The following CD8B variants were observed in gnomAD, a reference collection of about 807,000 sequenced individuals.
CD8B encodes CD8 subunit beta, also known as T-cell surface glycoprotein CD8 beta chain.
A neutral mutation model predicts 24.2 loss-of-function variants in CD8B; 6 were observed. The observed-to-expected ratio is 0.25, with a 90% CI of 0.14 to 0.49. The LOEUF (loss-of-function observed/expected upper bound fraction) is 0.49. Among genes scored for constraint, CD8B ranks in the 20% least tolerant of loss-of-function variants. CD8B has a pLI of 0.98. For synonymous variants in CD8B, 84 were observed against 108.3 expected (o/e 0.78, Z 1.39); for missense variants, 196 against 271.3 (o/e 0.72, Z 1.95).
At chr2:86,857,917 T>C (rs1676354598) in intron 2 of CD8B, 140 bp downstream of exon 2, 2 of 908,088 alleles carry the variant, frequency 2.2e-6, no homozygotes, top group African/African-American at 3.3e-5. Flanking sequence ...AGTCTCCACA[T>C]GTTCTTTCTG....
intron 3 of CD8B, among the ~76,000 whole-genome samples, chr2:86,851,206 A>G (rs1335690533): frequency 6.6e-6 from 1 of 152,142 alleles, no homozygotes; most frequent in African/African-American, 2.4e-5. Context: ...CTGTCCTTAC[A>G]TGAAGATGAA....
chr2:86,817,466 C>A (rs1674298447), intron 5 of CD8B, among the ~76,000 whole-genome samples: 1 of 152,072 alleles, frequency 6.6e-6, no homozygotes, highest in Admixed American at 6.6e-5. Flanking sequence ...ACTAGATCCA[C>A]AGGCATCAAC....
Position 86,840,508 on chromosome 2 carries a change from C to T in CD8B, c.*1799G>A, listed in dbSNP as rs1175302473. ...TCATCCGCATAGGGCGTCAATTCACCTCAGCCTTTCATTAGCCATGGACCA... is the reference window on the plus strand; with the variant it reads ...TCATCCGCATAGGGCGTCAATTCACTTCAGCCTTTCATTAGCCATGGACCA... On this transcript the variant is annotated 3_prime_UTR_variant, in exon 6 of 6. Transcript: ENST00000390655. Among the ~76,000 whole-genome samples, 2 of 152,198 alleles carry T rather than the reference C, an allele frequency of 1.3e-5. No individual in the cohort carries two copies. Among genetic ancestry groups the T allele is most frequent in the Non-Finnish European group, 2.9e-5 (2 of 68,044 alleles).
rs1336037291 is a variant in CD8B at position 86,849,503 on chromosome 2, G to A, written c.494-2730C>T. 1.5e-4 allele frequency among the ~76,000 whole-genome samples: 23 copies of A among 151,898 alleles called. No homozygotes were observed. In the East Asian group the frequency reaches 3.5e-3, roughly 23 times the overall value. On this transcript the variant is annotated intron_variant, in intron 3 of 5. Coordinates refer to ENST00000390655, the MANE Select transcript of CD8B (RefSeq NM_004931.5). ...GGGAGGCAAATCTGCAGAGGTAGAC[G>A]GTAGATTAGTGGCTGCCAGGGGCTG...
intron 5 of CD8B, among the ~76,000 whole-genome samples, chr2:86,816,935 G>T (rs1469247570): frequency 6.6e-6 from 1 of 152,154 alleles, no homozygotes; most frequent in East Asian, 1.9e-4. Context: ...GAAGATATTT[G>T]CAGTGCATAA....
intron 5 of CD8B, among the ~76,000 whole-genome samples, chr2:86,824,023 G>A (rs1674583338): frequency 6.6e-6 from 1 of 151,324 alleles, no homozygotes; most frequent in Non-Finnish European, 1.5e-5. Flanking sequence ...TGGGGGACAC[G>A]CAGGGAGATG....
chr2:86,846,876 C>T (rs1003109387), intron 3 of CD8B, 103 bp from the exon 4 acceptor site: 2 of 685,256 alleles, frequency 2.9e-6, no homozygotes, highest in South Asian at 1.6e-5. Flanking sequence ...AGCCCCACCT[C>T]CCAGAGAATA....
At position 86,839,987 on chromosome 2, in the gene CD8B, C is replaced by A. The variant is rs1269698838; in HGVS notation, c.*2320G>T. 6.6e-6 allele frequency among the ~76,000 whole-genome samples: 1 copy of A among 152,200 alleles called. No homozygotes were observed. Among genetic ancestry groups the A allele is most frequent in the Non-Finnish European group, 1.5e-5 (1 of 68,046 alleles). ...TGGAAGGCAGCCTGTCCCTTGTCCT[C>A]AGAGCTGATGGGCAGAGCTTTTGTT... On this transcript the variant is annotated 3_prime_UTR_variant, in exon 6 of 6. Transcript: ENST00000390655.
chr2:86,849,196 G>A (rs1675849855), intron 3 of CD8B, among the ~76,000 whole-genome samples: 1 of 152,298 alleles, frequency 6.6e-6, no homozygotes, highest in South Asian at 2.1e-4. Context: ...GGCATGAGAG[G>A]TACAGGAGGG....
chr2:86,836,328 C>G (rs1675176505), downstream of CD8B, among the ~76,000 whole-genome samples: 1 of 152,162 alleles, frequency 6.6e-6, no homozygotes, highest in African/African-American at 2.4e-5. Flanking sequence ...GGCCTCGGCC[C>G]TGGGCTACTA....
At chr2:86,861,194 C>T (rs1267221605) in intron 1 of CD8B, among the ~76,000 whole-genome samples, 1 of 152,082 alleles carries the variant, frequency 6.6e-6, no homozygotes, top group Non-Finnish European at 1.5e-5. Context: ...TTCCAAAAGG[C>T]AGTCTGGCTG....
At chr2:86,858,547 G>A in intron 1 of CD8B, 131 bp from the exon 2 acceptor site, 2 of 1,446,574 alleles carry the variant, frequency 1.4e-6, no homozygotes, top group South Asian at 1.5e-5. Context: ...TCCAGGGAGT[G>A]TGTTGAGCGC....
intron 5 of CD8B, among the ~76,000 whole-genome samples, chr2:86,828,569 G>A (rs1046876166): frequency 6.6e-6 from 1 of 152,144 alleles, no homozygotes; most frequent in African/African-American, 2.4e-5. Flanking sequence ...CCTGGGAGCA[G>A]CTAGAGATGG....
chr2:86,822,389 G>C, intron 5 of CD8B: 1 of 1,516,604 alleles, frequency 6.6e-7, no homozygotes, highest in South Asian at 1.2e-5. Context: ...GCACAATAGA[G>C]TATGAACAGA....
At chr2:86,850,039 G>A (rs1675900573) in intron 3 of CD8B, among the ~76,000 whole-genome samples, 1 of 152,196 alleles carries the variant, frequency 6.6e-6, no homozygotes, top group East Asian at 1.9e-4. Context: ...GGAGGTGGGT[G>A]CAGGTCACAG....
rs5024605 is a variant in CD8B at position 86,829,210 on chromosome 2, C to T, written c.621-13492G>A. On this transcript the variant is annotated intron_variant, in intron 5 of 5. Coordinates refer to the CD8B transcript ENST00000331469. Reference sequence around the variant, plus strand: ...CGCCTCCTGGGTTTAAGCGATTTCCCCCGCCTTAGCCTCAGCCTCCTGAGT... The same window carrying T: ...CGCCTCCTGGGTTTAAGCGATTTCCTCCGCCTTAGCCTCAGCCTCCTGAGT... Among the ~76,000 whole-genome samples, 11 of 149,866 alleles carry T rather than the reference C, an allele frequency of 7.3e-5. No homozygotes were observed. In the East Asian group the frequency reaches 2.2e-3, roughly 30 times the overall value.
At chr2:86,860,691 A>G (rs890090651) in intron 1 of CD8B, among the ~76,000 whole-genome samples, 1 of 151,870 alleles carries the variant, frequency 6.6e-6, no homozygotes, top group Admixed American at 6.6e-5. Flanking sequence ...CCTCTCCCTG[A>G]TGGTGGTTAT....
At chr2:86,833,734 T>G (rs1310610154), downstream of CD8B, among the ~76,000 whole-genome samples, 2 of 146,174 alleles carry the variant, frequency 1.4e-5, no homozygotes, top group Non-Finnish European at 3.0e-5. Flanking sequence ...TGCTGTAACC[T>G]CAAACTTCTG....
intron 2 of CD8B, among the ~76,000 whole-genome samples, chr2:86,855,266 G>T (rs1676179201): frequency 6.6e-6 from 1 of 152,166 alleles, no homozygotes; most frequent in Non-Finnish European, 1.5e-5. Context: ...GAGAGAACAC[G>T]ATCTGTTTGT....
Sources: allele counts gnomAD v4.1 joint callset (sites outside exome capture counted in the v4.1 genomes callset), GRCh38; gene constraint gnomAD v4.1.1; transcripts MANE v1.5; gene names NCBI Gene and HGNC (gene_info 2026-07-23, HGNC 2026-07-21).